RAB35: variants seen among roughly 807,000 people sequenced by gnomAD.
The protein encoded by RAB35 is RAB35, member RAS oncogene family.
Under a neutral mutation model 28.9 loss-of-function variants are expected in RAB35, and 4 were observed. That is an observed-to-expected ratio of 0.14 (90% confidence interval 0.07 to 0.32). RAB35 has a LOEUF of 0.32. Ranked by LOEUF, RAB35 falls within the 10% of genes least tolerant of loss-of-function variation. The pLI, the probability that RAB35 is intolerant of heterozygous loss-of-function variation, is 1.00. For synonymous variants in RAB35, 99 were observed against 105.1 expected (o/e 0.94, Z 0.35); for missense variants, 128 against 274.0 (o/e 0.47, Z 3.76).
chr12:120,112,317 G>C (rs984427166), intron 1 of RAB35, among the ~76,000 whole-genome samples: 4 of 151,922 alleles, frequency 2.6e-5, no homozygotes, highest in Admixed American at 2.6e-4. Flanking sequence ...CACCACGCAA[G>C]CCACACACAT....
In RAB35 at chr12:120,096,667, C is replaced by G. The variant is rs1054631; in HGVS notation, c.*578G>C. 0.1 allele frequency: 131,671 copies of G among 1,289,762 alleles called. 8,960 individuals are homozygous for G. Among genetic ancestry groups the G allele is most frequent in the African/African-American group, 0.35 (23,100 of 65,936 alleles). The allele number at this position is 1,289,762 out of a possible 1,614,324, so 79.9% of individuals were successfully genotyped here. ...TCCCAGAATGGCTGTGGGGACAGGA[C>G]AACGGGGAGGGAAGGGAGCTGGCAC... On this transcript the variant is annotated 3_prime_UTR_variant, in exon 6 of 6. Transcript: ENST00000229340.
At position 120,108,417 on chromosome 12, in the gene RAB35, C is replaced by A. The variant is rs765233596; in HGVS notation, c.103G>T (p.Gly35Cys). 2 of 1,613,264 alleles carry A rather than the reference C, an allele frequency of 1.2e-6. No homozygotes were observed. The highest frequency in any genetic ancestry group is 1.7e-6 in the Non-Finnish European group (2 of 1,179,184). The stretch of plus-strand genomic sequence containing the variant: ...AGCAGCACTGCAGGGGAGGACTCAC[C>A]TGAGAAAGTGTTGTCTGCAAAACGC... The part of the protein sequence containing the change: ...LLRFADNTFS[G>C]SYITTIGVDF... The change falls in exon 2 of 6, where the codon GGC becomes TGC. Residue 35 changes from glycine to cysteine, a missense_variant and splice_region_variant. Transcript: ENST00000229340.
chr12:120,102,671 T>TG (rs1555296452), intron 3 of RAB35, among the ~76,000 whole-genome samples: 1 of 152,086 alleles, frequency 6.6e-6, no homozygotes, highest in Non-Finnish European at 1.5e-5. Flanking sequence ...CAGCCATCCA[T>TG]GGGGGCGCTG....
chr12:120,115,446 C>T (rs1160108635), intron 1 of RAB35, among the ~76,000 whole-genome samples: 1 of 152,190 alleles, frequency 6.6e-6, no homozygotes, highest in Non-Finnish European at 1.5e-5. Flanking sequence ...ACAAACTGAG[C>T]ATGCTCCCAA....
chr12:120,111,367 C>T (rs1390182564), intron 1 of RAB35, among the ~76,000 whole-genome samples: 4 of 152,124 alleles, frequency 2.6e-5, no homozygotes, highest in Admixed American at 2.0e-4. Flanking sequence ...TGTCCCCAGG[C>T]GTCTCGGCAG....
intron 3 of RAB35, among the ~76,000 whole-genome samples, chr12:120,101,367 C>A (rs1362049864): frequency 6.6e-6 from 1 of 152,202 alleles, no homozygotes; most frequent in Non-Finnish European, 1.5e-5. Flanking sequence ...AACGCCAGGG[C>A]CTTGCCTTCC....
At position 120,097,132 on chromosome 12, in the gene RAB35, G is replaced by T. The variant is rs763059496; in HGVS notation, c.*113C>A. The T allele has an allele frequency of 6.2e-7, 1 of 1,607,222 alleles. No homozygotes were observed. The highest frequency in any genetic ancestry group is 1.1e-5 in the South Asian group (1 of 90,324). ...TGGCACCTCCCGATACAAAAACATG[G>T]AGAGAATTCTTTAAATAACGGCACG... is the stretch of plus-strand genomic sequence containing the variant. On this transcript the variant is annotated 3_prime_UTR_variant, in exon 6 of 6. Transcript: ENST00000229340.
chr12:120,097,733 T>A (rs1875482971), intron 5 of RAB35, among the ~76,000 whole-genome samples: 1 of 151,940 alleles, frequency 6.6e-6, no homozygotes, highest in Non-Finnish European at 1.5e-5. Flanking sequence ...GATGACAGAG[T>A]TAGACCCTGA....
Position 120,103,762 on chromosome 12 carries a change from G to C in RAB35, c.227+64C>G. 2 of 1,587,242 alleles carry C rather than the reference G, an allele frequency of 1.3e-6. No individual in the cohort carries two copies. Among genetic ancestry groups the C allele is most frequent in the Non-Finnish European group, 1.7e-6 (2 of 1,164,644 alleles). On this transcript the variant is annotated intron_variant, in intron 3 of 5. Transcript: ENST00000229340. This position sits in a 1 kb window ranked among gnomAD's most constrained non-coding sequence, Gnocchi z 6.1. ...GACATTTCCACCATGACCAGGCACCGGTCGCTCAACTGTGTCCACAGGTCA... is the reference window on the plus strand; with the variant it reads ...GACATTTCCACCATGACCAGGCACCCGTCGCTCAACTGTGTCCACAGGTCA...
Position 120,103,982 on chromosome 12 carries a change from G to A in RAB35, c.104-33C>T, listed in dbSNP as rs552540309. ...CACAGGGCAGTTAACGAGGCCCAGCGCGGTATCTTCCCAGGCCCTGAGCCC... is the reference window on the plus strand; with the variant it reads ...CACAGGGCAGTTAACGAGGCCCAGCACGGTATCTTCCCAGGCCCTGAGCCC... On this transcript the variant is annotated intron_variant, in intron 2 of 5. Transcript: ENST00000229340. This position sits in a 1 kb window ranked among gnomAD's most constrained non-coding sequence, Gnocchi z 6.1. The A allele has an allele frequency of 3.6e-5, 58 of 1,610,938 alleles. No homozygotes were observed. Among genetic ancestry groups the A allele is most frequent in the Admixed American group, 1.7e-4 (10 of 59,840 alleles).
chr12:120,097,969 T>C (rs1241360393), intron 5 of RAB35, among the ~76,000 whole-genome samples: 1 of 149,730 alleles, frequency 6.7e-6, no homozygotes, highest in African/African-American at 2.5e-5. Flanking sequence ...CTGCAAACTC[T>C]GCCTCCCTGG....
rs17499109 is a variant in RAB35 at position 120,103,766 on chromosome 12, G to A, written c.227+60C>T. On this transcript the variant is annotated intron_variant, in intron 3 of 5. Transcript: ENST00000229340. This position sits in a 1 kb window ranked among gnomAD's most constrained non-coding sequence, Gnocchi z 6.1. ...TTTCCACCATGACCAGGCACCGGTCGCTCAACTGTGTCCACAGGTCAGTGG... is the reference window on the plus strand; with the variant it reads ...TTTCCACCATGACCAGGCACCGGTCACTCAACTGTGTCCACAGGTCAGTGG... 0.099 allele frequency: 158,345 copies of A among 1,594,140 alleles called. 8,706 individuals are homozygous for A. The highest frequency in any genetic ancestry group is 0.11 in the Non-Finnish European group (131,013 of 1,168,564).
chr12:120,107,098 C>T (rs1401475085), intron 2 of RAB35, among the ~76,000 whole-genome samples: 2 of 152,134 alleles, frequency 1.3e-5, no homozygotes, highest in African/African-American at 2.4e-5. Flanking sequence ...AAGCAACTCT[C>T]CTGCCTCAGC....
At chr12:120,105,300 C>G (rs571027816) in intron 2 of RAB35, among the ~76,000 whole-genome samples, 57 of 152,224 alleles carry the variant, frequency 3.7e-4, no homozygotes, top group South Asian at 3.5e-3. Flanking sequence ...CACCCGGGGT[C>G]TTCCAGCCAG....
At chr12:120,099,266 G>A (rs903546636) in intron 3 of RAB35, 112 bp from the exon 4 acceptor site, 1 of 1,415,642 alleles carries the variant, frequency 7.1e-7, no homozygotes, top group Non-Finnish European at 9.6e-7. Flanking sequence ...GGGTGGCCCT[G>A]GAGCCTGGGC....
chr12:120,114,903 G>A (rs565751556), intron 1 of RAB35, among the ~76,000 whole-genome samples: 13 of 152,258 alleles, frequency 8.5e-5, no homozygotes, highest in East Asian at 7.7e-4. Flanking sequence ...TGACCACGGC[G>A]GGCTGTCACT....
At chr12:120,097,650 G>C (rs186845323) in intron 5 of RAB35, among the ~76,000 whole-genome samples, 1 of 152,290 alleles carries the variant, frequency 6.6e-6, no homozygotes, top group East Asian at 1.9e-4. Flanking sequence ...GAGAAGCTAA[G>C]GTGGGAGGAT....
At chr12:120,102,039 G>A (rs1003136803) in intron 3 of RAB35, among the ~76,000 whole-genome samples, 2 of 152,118 alleles carry the variant, frequency 1.3e-5, no homozygotes, top group East Asian at 1.9e-4. Context: ...CTGAACCTCC[G>A]CCTGGTTTTA....
At chr12:120,105,601 CG>C (rs1875837165) in intron 2 of RAB35, among the ~76,000 whole-genome samples, 1 of 152,060 alleles carries the variant, frequency 6.6e-6, no homozygotes, top group Admixed American at 6.6e-5. Context: ...CAACATCCTT[CG>C]ACACGCAGGA....
Sources: gnomAD v4.1 joint callset for allele counts (sites outside exome capture counted in the v4.1 genomes callset) on GRCh38, gnomAD v4.1.1 for gene constraint, Gnocchi (gnomAD v3.1) non-coding constraint, MANE v1.5 for transcripts, NCBI Gene and HGNC (gene_info 2026-07-23, HGNC 2026-07-21) for gene names.